MOB3B: variants seen among roughly 807,000 people sequenced by gnomAD.
The protein encoded by MOB3B is MOB kinase activator-like 2B.
MOB3B carries 7 observed loss-of-function variants against 18.7 expected under a neutral mutation model. The ratio of observed to expected loss-of-function variants is 0.37; its 90% CI spans 0.21 to 0.70. MOB3B has a LOEUF of 0.70. Ranked by LOEUF, MOB3B falls within the 30% of genes least tolerant of loss-of-function variation. The pLI is 0.52. For missense variants in MOB3B, 253 were observed against 281.3 expected (o/e 0.90, Z 0.72); for synonymous variants, 111 against 99.9 (o/e 1.11, Z -0.66).
rs1820717277 is a variant in MOB3B, at chr9:27,326,740, G to C, written c.*3847C>G. ...GAAGAGAAAACGAACAATTTAAGAA[G>C]CAGGAAATGACTCTAGATCAGTATT... On this transcript the variant is annotated 3_prime_UTR_variant, in exon 4 of 4. Transcript: ENST00000262244. The C allele has an allele frequency of 2.5e-6, 1 of 396,760 alleles. No individual in the cohort carries two copies. The allele number at this position is 396,760 out of a possible 1,614,324, so 24.6% of individuals were successfully genotyped here.
At chr9:27,380,720 T>C (rs1434083585) in intron 2 of MOB3B, among the ~76,000 whole-genome samples, 2 of 148,434 alleles carry the variant, frequency 1.3e-5, no homozygotes, top group African/African-American at 5.0e-5. Flanking sequence ...GTTCTTGCTG[T>C]AGTCCAGGGC....
Position 27,489,741 on chromosome 9 carries a change from C to CT in MOB3B, c.-198-33994dup, listed in dbSNP as rs66757462. ...ACATCACACCAGATAAGGAAATAAT[C>CT]TTTTTTTTTTTTTGGTCCAACAGGG... On this transcript the variant is annotated intron_variant, in intron 1 of 3. Transcript: ENST00000262244. Among the ~76,000 whole-genome samples, 15 of 73,152 alleles carry CT rather than the reference C, an allele frequency of 2.1e-4. 1 individual carries two copies. The highest frequency in any genetic ancestry group is 4.5e-4 in the Admixed American group (2 of 4,398). The allele number at this position is 73,152 out of a possible 152,430, so 48.0% of individuals were successfully genotyped here.
intron 2 of MOB3B, among the ~76,000 whole-genome samples, chr9:27,411,363 A>G (rs1007357163): frequency 2.6e-5 from 4 of 152,234 alleles, no homozygotes; most frequent in African/African-American, 9.6e-5. Flanking sequence ...AATCAATGCC[A>G]TCTAATTGTT....
At chr9:27,368,782 C>T (rs1463224886) in intron 2 of MOB3B, among the ~76,000 whole-genome samples, 1 of 152,146 alleles carries the variant, frequency 6.6e-6, no homozygotes, top group Non-Finnish European at 1.5e-5. Flanking sequence ...TTCAGACATG[C>T]CATGTGCTGG....
intron 3 of MOB3B, among the ~76,000 whole-genome samples, chr9:27,332,369 G>C (rs1587136155): frequency 6.6e-6 from 1 of 152,248 alleles, no homozygotes; most frequent in East Asian, 1.9e-4. Flanking sequence ...GTGTTTGAGA[G>C]AGACAGAAAG....
chr9:27,370,639 G>A (rs147735722), intron 2 of MOB3B, among the ~76,000 whole-genome samples: 1 of 152,198 alleles, frequency 6.6e-6, no homozygotes, highest in African/African-American at 2.4e-5. Flanking sequence ...GAATCTGTCA[G>A]TGCCTTGATC....
At chr9:27,519,969 C>A (rs1031989944) in intron 1 of MOB3B, among the ~76,000 whole-genome samples, 4 of 152,066 alleles carry the variant, frequency 2.6e-5, no homozygotes, top group Non-Finnish European at 5.9e-5. Flanking sequence ...ATGGGAAGTA[C>A]CGCTAGGCCT....
At chr9:27,374,856 A>G (rs891487513) in intron 2 of MOB3B, among the ~76,000 whole-genome samples, 3 of 152,196 alleles carry the variant, frequency 2.0e-5, no homozygotes, top group Non-Finnish European at 4.4e-5. Flanking sequence ...TACTCATCTG[A>G]GGAGCCCCAT....
intron 1 of MOB3B, among the ~76,000 whole-genome samples, chr9:27,461,430 C>T (rs1438009980): frequency 6.6e-6 from 1 of 152,184 alleles, no homozygotes; most frequent in East Asian, 1.9e-4. Flanking sequence ...CTATTTTTTT[C>T]CCCAACGAAT....
intron 2 of MOB3B, among the ~76,000 whole-genome samples, chr9:27,431,161 T>C (rs1236920784): frequency 6.6e-6 from 1 of 152,230 alleles, no homozygotes; most frequent in African/African-American, 2.4e-5. Flanking sequence ...CAGTATTCTT[T>C]ATATTCTCAA....
At chr9:27,409,497 T>C (rs1822033349) in intron 2 of MOB3B, among the ~76,000 whole-genome samples, 1 of 152,234 alleles carries the variant, frequency 6.6e-6, no homozygotes, top group African/African-American at 2.4e-5. Flanking sequence ...TGTATAATGG[T>C]GCAGCCACTG....
chr9:27,437,854 T>A (rs1822535992), intron 2 of MOB3B, among the ~76,000 whole-genome samples: 1 of 152,180 alleles, frequency 6.6e-6, no homozygotes. Flanking sequence ...GCTGGAAACT[T>A]CTTCTTAAAG....
intron 2 of MOB3B, among the ~76,000 whole-genome samples, chr9:27,361,181 A>G (rs1821269854): frequency 6.6e-6 from 1 of 152,158 alleles, no homozygotes; most frequent in Non-Finnish European, 1.5e-5. Context: ...ATTCCTATTA[A>G]TGTTTCATAG....
At chr9:27,331,948 T>C (rs922768509) in intron 3 of MOB3B, among the ~76,000 whole-genome samples, 42 of 152,212 alleles carry the variant, frequency 2.8e-4, no homozygotes, top group African/African-American at 9.9e-4. Flanking sequence ...CACTTTTGCA[T>C]CTCTATAATT....
chr9:27,519,944 T>C (rs1412957147), intron 1 of MOB3B, among the ~76,000 whole-genome samples: 1 of 151,902 alleles, frequency 6.6e-6, no homozygotes, highest in South Asian at 2.1e-4. Context: ...GTGATGACCA[T>C]CCTCTGCATG....
At chr9:27,346,969 CT>C (rs779400443) in intron 3 of MOB3B, among the ~76,000 whole-genome samples, 2 of 152,032 alleles carry the variant, frequency 1.3e-5, no homozygotes. Context: ...GCACTCCAGC[CT>C]GGGTAACAGA....
chr9:27,348,123 G>A (rs1299566586), intron 3 of MOB3B, among the ~76,000 whole-genome samples: 2 of 152,146 alleles, frequency 1.3e-5, no homozygotes, highest in Non-Finnish European at 2.9e-5. Flanking sequence ...TCAAGGAAGG[G>A]GAGGAAGAAG....
chr9:27,470,520 T>C (rs749243937), intron 1 of MOB3B, among the ~76,000 whole-genome samples: 5 of 152,226 alleles, frequency 3.3e-5, no homozygotes, highest in Non-Finnish European at 2.9e-5. Context: ...TACAGTGCTG[T>C]TAGGAAGTGA....
At chr9:27,446,055 G>A (rs1587220604) in intron 2 of MOB3B, among the ~76,000 whole-genome samples, 1 of 152,078 alleles carries the variant, frequency 6.6e-6, no homozygotes, top group Non-Finnish European at 1.5e-5. Flanking sequence ...TCTCTGTGAC[G>A]ACGAATGTTT....
Sources: allele counts gnomAD v4.1 joint callset (sites outside exome capture counted in the v4.1 genomes callset), GRCh38; gene constraint gnomAD v4.1.1; transcripts MANE v1.5; gene names NCBI Gene and HGNC (gene_info 2026-07-23, HGNC 2026-07-21).